SF3A3: variants seen among roughly 807,000 people sequenced by gnomAD.
The protein encoded by SF3A3 is SAP 61.
A neutral mutation model predicts 85.8 loss-of-function variants in SF3A3; 9 were observed. The observed-to-expected ratio is 0.10, with a 90% CI of 0.06 to 0.18. The LOEUF is 0.18. SF3A3 is among the 10% of genes least tolerant of loss of function. The probability of loss-of-function intolerance (pLI) is 1.00; values close to 1 mark genes in which losing one functional copy is unlikely to be tolerated. For missense variants in SF3A3, 306 were observed against 593.3 expected (o/e 0.52, Z 5.03); for synonymous variants, 195 against 204.4 (o/e 0.95, Z 0.39).
chr1:37,980,692 T>A lies in SF3A3; in HGVS notation c.584A>T (p.Asp195Val), dbSNP rs745427043. 1.2e-6 allele frequency: 2 copies of A among 1,613,892 alleles called. No homozygotes were observed. The highest frequency in any genetic ancestry group is 1.7e-4 in the Middle Eastern group (1 of 6,060). ...GAGAGGCTTCACTCTATCTGTGTAA[T>A]CCTGAAGGTACTCAAGCAGCATCTC... ...YLEMLLEYLQ[D>V]YTDRVKPLQD... The change falls in exon 8 of 17, where the codon GAT (aspartate) becomes GTT (valine). Residue 195 changes from aspartate (D) to valine (V), a missense_variant. Physicochemically the swap from Asp to Val is radical, Grantham distance 152. Coordinates refer to ENST00000373019, the MANE Select transcript of SF3A3 (RefSeq NM_006802.4).
At chr1:37,987,403 G>C (rs745445502) in intron 4 of SF3A3, among the ~76,000 whole-genome samples, 170 bp downstream of exon 4, 32 of 152,226 alleles carry the variant, frequency 2.1e-4, no homozygotes, top group Non-Finnish European at 3.8e-4. Flanking sequence ...AGCTGAGGGA[G>C]ATACTGAAAA....
chr1:37,965,018 C>T (rs1330323351), intron 15 of SF3A3, among the ~76,000 whole-genome samples: 2 of 152,004 alleles, frequency 1.3e-5, no homozygotes, highest in South Asian at 2.1e-4. Context: ...AATTGCTGGG[C>T]GTAGTGGTGC....
In SF3A3 at chr1:37,976,889, G is replaced by GA. The variant is rs1381729765; in HGVS notation, c.999dup (p.Leu334SerfsTer10). On this transcript the variant is annotated frameshift_variant, in exon 12 of 17. Coordinates refer to ENST00000373019, the MANE Select transcript of SF3A3 (RefSeq NM_006802.4). LOFTEE classifies it high-confidence loss of function. ...TTCAGCAGTCAGTCACTTACCCCGA[G>GA]AATCTCTACATATTCATAGATCTGG... 6.3e-7 allele frequency: 1 copy of GA among 1,590,182 alleles called. No individual in the cohort carries two copies.
intron 9 of SF3A3, 47 bp downstream of exon 9, chr1:37,979,418 C>T (rs1325574573): frequency 1.4e-6 from 2 of 1,434,388 alleles, no homozygotes; most frequent in East Asian, 4.6e-5. Context: ...TCTTTAAAGA[C>T]AGAAAAATAG....
chr1:37,985,627 A>C (rs1314594564), intron 4 of SF3A3, among the ~76,000 whole-genome samples: 1 of 152,176 alleles, frequency 6.6e-6, no homozygotes, highest in Non-Finnish European at 1.5e-5. Context: ...TCTGACATTT[A>C]GTATATCTTG....
At chr1:37,976,724 A>T (rs548646489) in intron 12 of SF3A3, among the ~76,000 whole-genome samples, 160 bp downstream of exon 12, 32 of 152,270 alleles carry the variant, frequency 2.1e-4, no homozygotes, top group Admixed American at 1.0e-3. Context: ...ATAGGAACTT[A>T]CTGAAGAGCC....
rs371226024 is a variant in SF3A3 at position 37,960,195 on chromosome 1, C to T, written c.1373-20G>A. 3 of 1,612,566 alleles carry T rather than the reference C, an allele frequency of 1.9e-6. No individual in the cohort carries two copies. The highest frequency in any genetic ancestry group is 1.1e-5 in the South Asian group (1 of 91,010). Reference sequence around the variant, plus strand: ...CCCACACTGCAGGATGAGAAATGAACAGCAATCAGGATGGACTGAACATCT... The same window carrying T: ...CCCACACTGCAGGATGAGAAATGAATAGCAATCAGGATGGACTGAACATCT... On this transcript the variant is annotated intron_variant, in intron 15 of 16. Coordinates refer to ENST00000373019, the MANE Select transcript of SF3A3 (RefSeq NM_006802.4).
At position 37,983,256 on chromosome 1, in the gene SF3A3, T is replaced by TAAAA. The variant is rs71057113; in HGVS notation, c.468+909_468+912dup. Among the ~76,000 whole-genome samples the TAAAA allele has an allele frequency of 1.9e-4, 23 of 121,492 alleles. No individual in the cohort carries two copies. The South Asian group carries it at 4.8e-3, about 25-fold the overall frequency. The allele number at this position is 121,492 out of a possible 152,430, so 79.7% of individuals were successfully genotyped here. On this transcript the variant is annotated intron_variant, in intron 6 of 16. Coordinates refer to ENST00000373019, the MANE Select transcript of SF3A3 (RefSeq NM_006802.4). Reference sequence around the variant, plus strand: ...TCCAGCCAGGAACATGGTATTTATTTAAAAAAAAAAAAAAAAAAAAAAGAA... The same window carrying TAAAA: ...TCCAGCCAGGAACATGGTATTTATTTAAAAAAAAAAAAAAAAAAAAAAAAAAGAA...
At chr1:37,983,644 A>G (rs1221571782) in intron 6 of SF3A3, among the ~76,000 whole-genome samples, 1 of 146,574 alleles carries the variant, frequency 6.8e-6, no homozygotes, top group Non-Finnish European at 1.5e-5. Flanking sequence ...TGCTTGCTGT[A>G]TTGATAATGG....
intron 15 of SF3A3, among the ~76,000 whole-genome samples, chr1:37,961,918 T>TCTA (rs1362154176): frequency 6.0e-5 from 9 of 150,802 alleles, no homozygotes; most frequent in African/African-American, 2.0e-4. Flanking sequence ...AAACCCCATC[T>TCTA]CTACTACAAA....
rs368247324 is a variant in SF3A3 at position 37,984,651 on chromosome 1, G to A, written c.376+56C>T. On this transcript the variant is annotated intron_variant, in intron 5 of 16. Coordinates refer to ENST00000373019, the MANE Select transcript of SF3A3 (RefSeq NM_006802.4). ...TCTGAGGCCATGGCTGCAAATCTGA[G>A]CTGTCATTAACCTGTATTTTTGCTG... 16 of 1,127,284 alleles carry A rather than the reference G, an allele frequency of 1.4e-5. 1 individual carries two copies. In the African/African-American group the frequency reaches 2.1e-4, roughly 15 times the overall value. The allele number at this position is 1,127,284 out of a possible 1,614,324, so 69.8% of individuals were successfully genotyped here. A position where few individuals can be genotyped will look rare whatever the true frequency, so the allele number is the denominator to read the frequency against.
chr1:37,989,620 A>T, intron 1 of SF3A3, 25 bp from the exon 2 acceptor site: 1 of 1,612,354 alleles, frequency 6.2e-7, no homozygotes, highest in Non-Finnish European at 8.5e-7. Context: ...GGTGACACAA[A>T]CGCCGTTAGT....
At chr1:37,965,302 C>CAAAAAAAAAAAA (rs55747818) in intron 15 of SF3A3, among the ~76,000 whole-genome samples, 2 of 100,384 alleles carry the variant, frequency 2.0e-5, no homozygotes, top group Non-Finnish European at 3.7e-5. Flanking sequence ...CCCATCGGCA[C>CAAAAAAAAAAAA]AAAAAAAAAA....
intron 16 of SF3A3, among the ~76,000 whole-genome samples, chr1:37,959,889 C>T (rs547066518): frequency 1.2e-3 from 168 of 140,680 alleles, no homozygotes; most frequent in Non-Finnish European, 2.1e-3. Flanking sequence ...ACCCAGGAGG[C>T]GGAAGTTGCA....
intron 12 of SF3A3, among the ~76,000 whole-genome samples, chr1:37,971,527 A>C (rs995764993): frequency 6.6e-6 from 1 of 152,210 alleles, no homozygotes; most frequent in African/African-American, 2.4e-5. Context: ...TCATCCTGAT[A>C]CCAAAGCCTG....
rs542065384 is a variant in SF3A3, at chr1:37,965,737, G to C, written c.1372+2307C>G. ...CAACTGCACTCCAGCCTGGGCAACA[G>C]AGTTGGAAGCCCAAGGTTCAAGCTG... is the stretch of plus-strand genomic sequence containing the variant. On this transcript the variant is annotated intron_variant, in intron 15 of 16. Coordinates refer to ENST00000373019, the MANE Select transcript of SF3A3 (RefSeq NM_006802.4). Among the ~76,000 whole-genome samples, 168 of 150,126 alleles carry C rather than the reference G, an allele frequency of 1.1e-3. 1 individual carries two copies. The highest frequency in any genetic ancestry group is 4.0e-3 in the African/African-American group (163 of 40,908).
chr1:37,983,736 A>C (rs2148723940), intron 6 of SF3A3, among the ~76,000 whole-genome samples: 1 of 151,934 alleles, frequency 6.6e-6, no homozygotes, highest in Non-Finnish European at 1.5e-5. Context: ...GGAGTTTGTG[A>C]CCAGCCTGGG....
chr1:37,989,441 A>G (rs1202845829), intron 2 of SF3A3, 107 bp downstream of exon 2: 3 of 1,257,468 alleles, frequency 2.4e-6, no homozygotes, highest in Middle Eastern at 3.9e-4. Flanking sequence ...CGACTGGCCA[A>G]TCCGGTTACC....
chr1:37,984,114 A>T, intron 6 of SF3A3, 55 bp downstream of exon 6: 2 of 919,170 alleles, frequency 2.2e-6, no homozygotes, highest in Non-Finnish European at 3.5e-6. Flanking sequence ...GTTCCAGCCT[A>T]CTGTCCTGAC....
Sources: allele counts gnomAD v4.1 joint callset (sites outside exome capture counted in the v4.1 genomes callset), GRCh38; gene constraint gnomAD v4.1.1; transcripts MANE v1.5; gene names NCBI Gene and HGNC (gene_info 2026-07-23, HGNC 2026-07-21).